The following KDM5B variants were observed in gnomAD, a reference collection of about 807,000 sequenced individuals.
KDM5B encodes the protein lysine-specific demethylase 5B.
In KDM5B, 144 loss-of-function variants were observed where a neutral mutation model predicts 193.4. That is an observed-to-expected ratio of 0.74 (90% CI 0.65 to 0.86). KDM5B has a LOEUF of 0.86. Among genes scored for constraint, KDM5B ranks in the 40% least tolerant of loss-of-function variants. The pLI is 0.00. For missense variants in KDM5B, 1,833 were observed against 1,886.9 expected, an observed-to-expected ratio of 0.97 and a Z score of 0.53; for synonymous variants, 668 against 682.6, an observed-to-expected ratio of 0.98 and a Z score of 0.33.
chr1:202,736,666 C>T (rs1240143313), intron 20 of KDM5B, among the ~76,000 whole-genome samples: 5 of 149,574 alleles, frequency 3.3e-5, no homozygotes, highest in African/African-American at 4.9e-5. Flanking sequence ...TTTTTTAAGA[C>T]GGAGTATCAC....
At position 202,729,154 on chromosome 1, in the gene KDM5B, T is replaced by A; in HGVS notation, c.4517A>T (p.Asp1506Val). Residue 1506 changes from aspartate to valine, a missense_variant, in exon 27 of 27, where the codon GAT (aspartate) becomes GTT (valine). By Grantham distance (152) the Asp-to-Val change is radical. This residue lies in a region of KDM5B where 1,379 missense variants were observed against 1,349.6 expected (regional missense o/e 1.02). Transcript: ENST00000367265. Reference protein sequence around the residue: ...EGDEVDWVQCDGSCNQWFHQV... With the variant: ...EGDEVDWVQCVGSCNQWFHQV... ...ATGAAACCACTGATTGCAGCTGCCA[T>A]CACACTGGACCCAGTCCACCTGGTT... 1 of 1,614,126 alleles carries A rather than the reference T, an allele frequency of 6.2e-7. No homozygotes were observed. The highest frequency in any genetic ancestry group is 8.5e-7 in the Non-Finnish European group (1 of 1,179,996).
chr1:202,745,979 A>G lies in KDM5B; in HGVS notation c.2202T>C (p.Tyr734=). 1 of 1,613,898 alleles carries G rather than the reference A, an allele frequency of 6.2e-7. No individual in the cohort carries two copies. Among genetic ancestry groups the G allele is most frequent in the Non-Finnish European group, 8.5e-7 (1 of 1,179,782 alleles). Residue 734 remains tyrosine (Y), a synonymous_variant, in exon 16 of 27, where the codon TAT becomes TAC. Transcript: ENST00000367265. The part of the protein sequence containing the change: ...SCPPYKYKLR[Y]RYTLDDLYPM... The stretch of plus-strand genomic sequence containing the variant: ...GGTAGAGATCATCCAGCGTGTACCT[A>G]TACCTGGAAATAATACCACCACACT...
At chr1:202,796,692 C>A in intron 1 of KDM5B, 1 of 175,110 alleles carries the variant, frequency 5.7e-6, no homozygotes, top group South Asian at 1.4e-4. Flanking sequence ...AGAAATGTGC[C>A]CTTCTCAGCC....
intron 1 of KDM5B, among the ~76,000 whole-genome samples, chr1:202,785,727 T>C (rs1418352759): frequency 6.6e-6 from 1 of 152,056 alleles, no homozygotes; most frequent in East Asian, 1.9e-4. Context: ...CTGGCCAACA[T>C]GGCAAAACCC....
At chr1:202,748,081 A>G (rs1655635781) in intron 14 of KDM5B, among the ~76,000 whole-genome samples, 1 of 152,184 alleles carries the variant, frequency 6.6e-6, no homozygotes, top group African/African-American at 2.4e-5. Context: ...ACCAGAACAC[A>G]AGAGTCCAGA....
At chr1:202,733,269 A>T in intron 23 of KDM5B, 132 bp downstream of exon 23, 1 of 903,550 alleles carries the variant, frequency 1.1e-6, no homozygotes, top group Non-Finnish European at 1.7e-6. Context: ...GTGGGAAGCT[A>T]CAGGTAAAGT....
At chr1:202,787,788 G>A (rs551386387) in intron 1 of KDM5B, among the ~76,000 whole-genome samples, 1 of 152,066 alleles carries the variant, frequency 6.6e-6, no homozygotes. Flanking sequence ...AGCTACTTGG[G>A]AGGCTGAGGC....
In KDM5B at chr1:202,725,788, T is replaced by A. The variant is rs1654655835; in HGVS notation, c.*3248A>T. 1.3e-5 allele frequency: 2 copies of A among 152,378 alleles called. No homozygotes were observed. The highest frequency in any genetic ancestry group is 4.1e-4 in the South Asian group (2 of 4,826). 9.4% of individuals were successfully genotyped at this position (152,378 alleles called of 1,614,324 possible). ...AATGGGCAATGACTCTTAAAATCCT[T>A]GTTGTCCAATTCTGTCTCCTGTTAC... On this transcript the variant is annotated 3_prime_UTR_variant, in exon 27 of 27. Coordinates refer to ENST00000367265, the MANE Select transcript of KDM5B (RefSeq NM_006618.5).
At chr1:202,793,506 T>C (rs1657723131) in intron 1 of KDM5B, among the ~76,000 whole-genome samples, 1 of 152,184 alleles carries the variant, frequency 6.6e-6, no homozygotes, top group East Asian at 1.9e-4. Flanking sequence ...GCTGATATTT[T>C]AAGCTGCCCA....
At position 202,736,216 on chromosome 1, in the gene KDM5B, T is replaced by C. The variant is rs1444791761; in HGVS notation, c.3261A>G (p.Leu1087=). 5 of 1,569,472 alleles carry C rather than the reference T, an allele frequency of 3.2e-6. No homozygotes were observed. Among genetic ancestry groups the C allele is most frequent in the Admixed American group, 1.9e-5 (1 of 53,886 alleles). The change falls in exon 21 of 27, where the codon TTA becomes TTG. Residue 1087 remains leucine, a synonymous_variant. Coordinates refer to ENST00000367265, the MANE Select transcript of KDM5B (RefSeq NM_006618.5). ...FLTENSPYSL[L]EVLCPRCDIG... ...GATGAGCTGGTTGTAAACTTACCTC[T>C]AAGAGAGAATATGGAGAATTCTCAG...
chr1:202,753,216 A>G (rs1255323055), intron 11 of KDM5B, 149 bp from the exon 12 acceptor site: 2 of 697,174 alleles, frequency 2.9e-6, no homozygotes, highest in Non-Finnish European at 4.7e-6. Flanking sequence ...TGTGAATGTG[A>G]GCCAGGTGCT....
At position 202,724,939 on chromosome 1, in the gene KDM5B, T is replaced by G. The variant is rs980454240; in HGVS notation, c.*4097A>C. The G allele has an allele frequency of 2.6e-5, 4 of 152,230 alleles. No individual in the cohort carries two copies. Among genetic ancestry groups the G allele is most frequent in the Non-Finnish European group, 5.9e-5 (4 of 68,038 alleles). 9.4% of individuals were successfully genotyped at this position (152,230 alleles called of 1,614,324 possible). On this transcript the variant is annotated 3_prime_UTR_variant, in exon 27 of 27. Transcript: ENST00000367265. ...TTAAATAGAGAAAATAACTTTTGTT[T>G]CCTCAGAAAGGCAACTTTTTAATTT... is the stretch of plus-strand genomic sequence containing the variant.
intron 23 of KDM5B, among the ~76,000 whole-genome samples, chr1:202,732,745 C>T (rs933436218): frequency 6.6e-6 from 1 of 151,880 alleles, no homozygotes; most frequent in Non-Finnish European, 1.5e-5. Context: ...ACTTTAAAAA[C>T]CATCAGATTA....
intron 23 of KDM5B, 159 bp from the exon 24 acceptor site, chr1:202,732,098 A>G (rs950716116): frequency 3.5e-6 from 2 of 577,548 alleles, no homozygotes; most frequent in Non-Finnish European, 6.0e-6. Context: ...CTGGCATTTC[A>G]GAACTGGCCA....
chr1:202,737,365 G>A (rs892904864), intron 20 of KDM5B, among the ~76,000 whole-genome samples: 3 of 152,186 alleles, frequency 2.0e-5, no homozygotes, highest in African/African-American at 7.2e-5. Context: ...CTTCTAACAA[G>A]TTCCCAGGTA....
At chr1:202,806,048 G>A (rs1198787450) in intron 1 of KDM5B, among the ~76,000 whole-genome samples, 1 of 152,110 alleles carries the variant, frequency 6.6e-6, no homozygotes, top group Admixed American at 6.6e-5. Context: ...GACATTCAGA[G>A]TGAGAAAAAG....
intron 1 of KDM5B, among the ~76,000 whole-genome samples, chr1:202,780,060 C>T (rs1657138848): frequency 6.6e-6 from 1 of 151,968 alleles, no homozygotes; most frequent in African/African-American, 2.4e-5. Context: ...GAAAAATGGC[C>T]AATCATAAGA....
At chr1:202,756,316 T>C in intron 10 of KDM5B, 42 bp downstream of exon 10, 4 of 1,510,696 alleles carry the variant, frequency 2.6e-6, no homozygotes, top group Middle Eastern at 3.5e-4. Context: ...CCAAACAGAA[T>C]TTCAATAAAT....
chr1:202,765,521 G>A (rs1208836630), intron 5 of KDM5B, among the ~76,000 whole-genome samples: 5 of 152,138 alleles, frequency 3.3e-5, no homozygotes, highest in African/African-American at 1.2e-4. Flanking sequence ...CCACAGCACT[G>A]GGGCATTTCT....
Sources: allele counts gnomAD v4.1 joint callset (sites outside exome capture counted in the v4.1 genomes callset), GRCh38; gene constraint gnomAD v4.1.1; regional missense constraint gnomAD v4.1.1; transcripts MANE v1.5; gene names NCBI Gene and HGNC (gene_info 2026-07-23, HGNC 2026-07-21).